Variants in IL1RAPL1 observed in about 807,000 individuals in gnomAD.
IL1RAPL1 encodes the protein interleukin 1 receptor accessory protein like 1.
Under a neutral mutation model 48.4 loss-of-function variants are expected in IL1RAPL1, and 3 were observed. That is an observed-to-expected ratio of 0.06 (90% confidence interval 0.03 to 0.16). IL1RAPL1 has a LOEUF of 0.16. IL1RAPL1 is among the 10% of genes least tolerant of loss of function. The pLI is 1.00. For synonymous variants in IL1RAPL1, 185 were observed against 187.7 expected, an observed-to-expected ratio of 0.99 and a Z score of 0.12; for missense variants, 349 against 530.6, an observed-to-expected ratio of 0.66 and a Z score of 3.36.
chrX:29,206,196 C>G (rs1930662477), intron 2 of IL1RAPL1, among the ~76,000 whole-genome samples: 1 of 111,387 alleles, frequency 9.0e-6, no homozygotes. Flanking sequence ...GTCATTTGCT[C>G]TGTATACTTG....
intron 6 of IL1RAPL1, among the ~76,000 whole-genome samples, chrX:29,872,525 G>A (rs923965537): frequency 2.7e-5 from 3 of 111,975 alleles, no homozygotes; most frequent in Non-Finnish European, 5.6e-5. Flanking sequence ...AGGTGATTAG[G>A]CTCTACCCTC....
At chrX:29,640,519 A>C (rs763441620) in intron 5 of IL1RAPL1, among the ~76,000 whole-genome samples, 2 of 111,895 alleles carry the variant, frequency 1.8e-5, no homozygotes, top group South Asian at 7.5e-4. Flanking sequence ...AGCAAAACCA[A>C]ATTTCTGATC....
At chrX:28,723,441 C>T (rs182629805) in intron 1 of IL1RAPL1, among the ~76,000 whole-genome samples, 1 of 110,795 alleles carries the variant, frequency 9.0e-6, no homozygotes, top group Non-Finnish European at 1.9e-5. Context: ...GTGGTGATAT[C>T]CCCTTTATCA....
intron 6 of IL1RAPL1, among the ~76,000 whole-genome samples, chrX:29,738,142 G>A (rs180882305): frequency 2.8e-3 from 313 of 111,817 alleles, no homozygotes; most frequent in African/African-American, 9.8e-3. Flanking sequence ...GCTACTTTGC[G>A]AATCAATTCC....
At chrX:28,615,103 T>C (rs1247778270) in intron 1 of IL1RAPL1, among the ~76,000 whole-genome samples, 3 of 108,596 alleles carry the variant, frequency 2.8e-5, no homozygotes, top group Admixed American at 2.0e-4. Context: ...TTAGCCAGGA[T>C]GGTCTCGACC....
At chrX:29,461,176 A>G (rs1934798180) in intron 5 of IL1RAPL1, among the ~76,000 whole-genome samples, 1 of 111,763 alleles carries the variant, frequency 8.9e-6, no homozygotes, top group African/African-American at 3.2e-5. Context: ...GCACATAAAA[A>G]GTTATTCAAT....
chrX:28,797,427 A>C (rs1332234642), intron 2 of IL1RAPL1, among the ~76,000 whole-genome samples: 1 of 111,497 alleles, frequency 9.0e-6, no homozygotes, highest in Non-Finnish European at 1.9e-5. Flanking sequence ...ACAGCACCCA[A>C]GTCACCTCTT....
chrX:29,545,235 CTATCTATT>C (rs1219163722), intron 5 of IL1RAPL1, among the ~76,000 whole-genome samples: 2 of 97,441 alleles, frequency 2.1e-5, no homozygotes, highest in African/African-American at 8.0e-5. Context: ...ATCTATCTAT[CTATCTATT>C]GGACAACAAA....
intron 1 of IL1RAPL1, among the ~76,000 whole-genome samples, chrX:28,779,079 G>A (rs1250910341): frequency 3.6e-5 from 4 of 111,600 alleles, no homozygotes; most frequent in African/African-American, 9.8e-5. Flanking sequence ...CATATACAAG[G>A]ACTTTTACTC....
At chrX:29,859,608 A>T (rs1044156167) in intron 6 of IL1RAPL1, among the ~76,000 whole-genome samples, 12 of 112,191 alleles carry the variant, frequency 1.1e-4, no homozygotes, top group Admixed American at 6.6e-4. Context: ...TTCCACATAA[A>T]AATTTCTATA....
intron 6 of IL1RAPL1, among the ~76,000 whole-genome samples, chrX:29,724,316 A>C (rs1241136215): frequency 9.0e-6 from 1 of 111,497 alleles, no homozygotes; most frequent in African/African-American, 3.3e-5. Flanking sequence ...CTGTAGCTAT[A>C]CAAGCAGCAG....
At chrX:29,454,597 G>A (rs1934717481) in intron 5 of IL1RAPL1, among the ~76,000 whole-genome samples, 1 of 111,686 alleles carries the variant, frequency 9.0e-6, no homozygotes, top group East Asian at 2.8e-4. Context: ...AAGAACCAGA[G>A]TTGGAGAGAA....
rs763890043 is a variant in IL1RAPL1 at position 29,876,891 on chromosome X, C to T, written c.779-40573C>T. Among the ~76,000 whole-genome samples the T allele has an allele frequency of 1.5e-4, 17 of 111,934 alleles. No individual in the cohort carries two copies. In the East Asian group the frequency reaches 2.2e-3, roughly 15 times the overall value. ...CAGATTACCACAGTAAATAATTGCA[C>T]GCCCATCTCTTTTGCAAAGCACAAA... is the stretch of plus-strand genomic sequence containing the variant. On this transcript the variant is annotated intron_variant, in intron 6 of 10. Transcript: ENST00000378993.
chrX:28,715,747 G>A (rs1334140604), intron 1 of IL1RAPL1, among the ~76,000 whole-genome samples: 2 of 110,973 alleles, frequency 1.8e-5, no homozygotes, highest in African/African-American at 3.3e-5. Context: ...AATTCTACCC[G>A]ATGTACAAAG....
At chrX:29,079,201 G>A (rs773769781) in intron 2 of IL1RAPL1, among the ~76,000 whole-genome samples, 2 of 111,573 alleles carry the variant, frequency 1.8e-5, no homozygotes, top group East Asian at 5.7e-4. Flanking sequence ...TTTAATATAT[G>A]AGTGCTATAA....
chrX:29,244,343 A>T (rs1293287149), intron 2 of IL1RAPL1, among the ~76,000 whole-genome samples: 1 of 112,368 alleles, frequency 8.9e-6, no homozygotes, highest in East Asian at 2.8e-4. Context: ...TGAGTCTCAA[A>T]GCACTTGAAC....
rs955079701 is a variant in IL1RAPL1 at position 29,363,891 on chromosome X, T to C, written c.363-32367T>C. Among the ~76,000 whole-genome samples, 12 of 111,471 alleles carry C rather than the reference T, an allele frequency of 1.1e-4. No individual in the cohort carries two copies. The Admixed American group carries it at 1.1e-3, about 11-fold the overall frequency. On this transcript the variant is annotated intron_variant, in intron 3 of 10. Transcript: ENST00000378993. ...GCTCCACCTCCAACACTGGGGATTA[T>C]AATGTGACATAAGATTTGGGTGGGG... is the stretch of plus-strand genomic sequence containing the variant.
chrX:29,801,014 A>AAAC (rs1354716121), intron 6 of IL1RAPL1, among the ~76,000 whole-genome samples: 1 of 73,461 alleles, frequency 1.4e-5, no homozygotes, highest in Non-Finnish European at 2.5e-5. Flanking sequence ...AAAAAAAAAA[A>AAAC]AAAAAAAAAA....
chrX:29,775,219 A>G (rs1423344415), intron 6 of IL1RAPL1, among the ~76,000 whole-genome samples: 1 of 111,410 alleles, frequency 9.0e-6, no homozygotes, highest in Non-Finnish European at 1.9e-5. Context: ...ACACTTATTA[A>G]TCATCATTGG....
Sources: allele counts gnomAD v4.1 joint callset (sites outside exome capture counted in the v4.1 genomes callset), GRCh38; gene constraint gnomAD v4.1.1; transcripts MANE v1.5; gene names NCBI Gene and HGNC (gene_info 2026-07-23, HGNC 2026-07-21).